Variants in NDUFS4 observed in about 807,000 individuals in gnomAD.
NDUFS4 encodes NADH:ubiquinone oxidoreductase subunit S4.
Under a neutral mutation model 24.3 loss-of-function variants are expected in NDUFS4, and 28 were observed. That is an observed-to-expected ratio of 1.15 (90% CI 0.85 to 1.58). The LOEUF (loss-of-function observed/expected upper bound fraction) is 1.58. Ranked by LOEUF, NDUFS4 falls within the 40% of genes most tolerant of loss-of-function variation. NDUFS4 has a pLI of 0.00. For synonymous variants in NDUFS4, 93 were observed against 69.7 expected, an observed-to-expected ratio of 1.34 and a Z score of -1.67; for missense variants, 223 against 207.9, an observed-to-expected ratio of 1.07 and a Z score of -0.45.
At chr5:53,664,046 T>C (rs192393435) in intron 4 of NDUFS4, among the ~76,000 whole-genome samples, 130 of 152,276 alleles carry the variant, frequency 8.5e-4, no homozygotes, top group Non-Finnish European at 1.7e-3. Flanking sequence ...AAAATCTCTT[T>C]GCATTTGCTT....
chr5:53,627,398 T>A (rs948091649), intron 2 of NDUFS4, among the ~76,000 whole-genome samples: 1 of 152,192 alleles, frequency 6.6e-6, no homozygotes, highest in Non-Finnish European at 1.5e-5. Flanking sequence ...TTTAAAGTAG[T>A]TTTTTCGAAT....
intron 2 of NDUFS4, among the ~76,000 whole-genome samples, chr5:53,611,541 A>C (rs1750699611): frequency 6.6e-6 from 1 of 152,064 alleles, no homozygotes; most frequent in Admixed American, 6.6e-5. Context: ...AGATGACAGC[A>C]TCTGAAAATA....
chr5:53,679,054 A>G (rs1307538159), intron 4 of NDUFS4, among the ~76,000 whole-genome samples: 1 of 152,192 alleles, frequency 6.6e-6, no homozygotes, highest in African/African-American at 2.4e-5. Context: ...ACAGCCCTAC[A>G]TAGCAGAAAA....
chr5:53,563,979 G>A (rs1317011066), intron 1 of NDUFS4, among the ~76,000 whole-genome samples: 1 of 152,164 alleles, frequency 6.6e-6, no homozygotes, highest in African/African-American at 2.4e-5. Context: ...GTGTGTTCAT[G>A]TATACTTATC....
intron 1 of NDUFS4, among the ~76,000 whole-genome samples, chr5:53,598,077 G>A (rs539329254): frequency 1.1e-4 from 17 of 152,278 alleles, no homozygotes; most frequent in Middle Eastern, 3.4e-3. Flanking sequence ...CTGTTAGAAC[G>A]ACTGCAATCC....
intron 4 of NDUFS4, among the ~76,000 whole-genome samples, chr5:53,663,424 AG>A (rs1406273799): frequency 2.0e-5 from 3 of 152,138 alleles, no homozygotes; most frequent in African/African-American, 7.2e-5. Flanking sequence ...TAATGTTGAC[AG>A]TGGGGTGTTA....
intron 1 of NDUFS4, among the ~76,000 whole-genome samples, chr5:53,561,020 T>A (rs1406380730): frequency 2.6e-5 from 4 of 151,992 alleles, no homozygotes; most frequent in African/African-American, 9.7e-5. Flanking sequence ...AGGGAGAGGG[T>A]CCGTGGAGGT....
chr5:53,620,308 C>A (rs1172758718), intron 2 of NDUFS4, among the ~76,000 whole-genome samples: 1 of 151,890 alleles, frequency 6.6e-6, no homozygotes, highest in Non-Finnish European at 1.5e-5. Context: ...CAAATTCTAC[C>A]TAATAGATAA....
At position 53,560,667 on chromosome 5, in the gene NDUFS4, C is replaced by A. The variant is rs148595893; in HGVS notation, c.5C>A (p.Ala2Glu). 3.0e-4 allele frequency: 488 copies of A among 1,614,212 alleles called. No individual in the cohort carries two copies. Among genetic ancestry groups the A allele is most frequent in the Non-Finnish European group, 3.8e-4 (447 of 1,180,044 alleles). MAAVSMSVVLRQ... is the reference protein window; with the variant it reads MEAVSMSVVLRQ... Reference sequence around the variant, plus strand: ...CTGGCGTTTGCCTGCAGCAAGATGGCGGCGGTGTCAATGTCAGTGGTACTG... The same window carrying A: ...CTGGCGTTTGCCTGCAGCAAGATGGAGGCGGTGTCAATGTCAGTGGTACTG... Residue 2 changes from alanine (A) to glutamate (E), a missense_variant, in exon 1 of 5, where the codon GCG becomes GAG. Physicochemically the swap from Ala to Glu is moderately radical, Grantham distance 107. Transcript: ENST00000296684.
chr5:53,641,456 T>C (rs1341827267), intron 2 of NDUFS4, among the ~76,000 whole-genome samples: 1 of 152,198 alleles, frequency 6.6e-6, no homozygotes, highest in African/African-American at 2.4e-5. Flanking sequence ...GGCTCAATGA[T>C]AGTTTTGCCC....
intron 4 of NDUFS4, among the ~76,000 whole-genome samples, chr5:53,664,185 T>A (rs745591803): frequency 3.3e-5 from 5 of 152,218 alleles, no homozygotes; most frequent in Non-Finnish European, 5.9e-5. Flanking sequence ...TTGTAGAGCT[T>A]TTGCCAAGAG....
intron 2 of NDUFS4, among the ~76,000 whole-genome samples, chr5:53,631,045 TGACCTATGGATGGG>T (rs1257103131): frequency 1.3e-5 from 2 of 152,334 alleles, no homozygotes; most frequent in East Asian, 3.9e-4. Flanking sequence ...TTGATGTTGG[TGACCTATGGATGGG>T]GTTTTGGTGT....
chr5:53,627,845 C>T (rs1751278648), intron 2 of NDUFS4, among the ~76,000 whole-genome samples: 1 of 152,132 alleles, frequency 6.6e-6, no homozygotes, highest in Admixed American at 6.5e-5. Flanking sequence ...AATTTGACTT[C>T]CTCTTTTCCT....
At chr5:53,622,227 A>T (rs1267047943) in intron 2 of NDUFS4, among the ~76,000 whole-genome samples, 3 of 152,084 alleles carry the variant, frequency 2.0e-5, no homozygotes, top group Non-Finnish European at 4.4e-5. Flanking sequence ...GCTTTTGTTT[A>T]TCTAGAAATC....
intron 1 of NDUFS4, among the ~76,000 whole-genome samples, chr5:53,595,142 C>G (rs1461684841): frequency 2.0e-5 from 3 of 152,092 alleles, no homozygotes; most frequent in African/African-American, 7.2e-5. Context: ...TATGTCTGTG[C>G]CTGGGCATAT....
At chr5:53,620,865 G>A (rs1301465486) in intron 2 of NDUFS4, among the ~76,000 whole-genome samples, 1 of 152,060 alleles carries the variant, frequency 6.6e-6, no homozygotes, top group Non-Finnish European at 1.5e-5. Context: ...CCTAGTGTAT[G>A]GTCTGTCTTG....
At chr5:53,593,600 CT>C (rs200245144) in intron 1 of NDUFS4, among the ~76,000 whole-genome samples, 14,470 of 144,596 alleles carry the variant, frequency 0.1, 975 homozygotes, top group Admixed American at 0.21. Context: ...TTATGTTGCC[CT>C]TTTTTTTTTT....
chr5:53,680,710 G>A (rs1428713383), intron 4 of NDUFS4, among the ~76,000 whole-genome samples: 4 of 152,052 alleles, frequency 2.6e-5, no homozygotes, highest in African/African-American at 9.7e-5. Context: ...TGGGGGGAGC[G>A]GGGAGGGATA....
rs140354014 is a variant in NDUFS4 at position 53,644,509 on chromosome 5, G to A, written c.178-1724G>A. Among the ~76,000 whole-genome samples the A allele has an allele frequency of 4.6e-3, 706 of 152,174 alleles. 5 individuals carry two copies. Among genetic ancestry groups the A allele is most frequent in the African/African-American group, 0.016 (680 of 41,552 alleles). Reference sequence around the variant, plus strand: ...TTCAAAGGAGGAATTAAACATTGAGGACTTCCCAGGAGTTGAGCCACTTTA... The same window carrying A: ...TTCAAAGGAGGAATTAAACATTGAGAACTTCCCAGGAGTTGAGCCACTTTA... On this transcript the variant is annotated intron_variant, in intron 2 of 4. Coordinates refer to ENST00000296684, the MANE Select transcript of NDUFS4 (RefSeq NM_002495.4).
Sources: allele counts gnomAD v4.1 joint callset (sites outside exome capture counted in the v4.1 genomes callset), GRCh38; gene constraint gnomAD v4.1.1; transcripts MANE v1.5; gene names NCBI Gene and HGNC (gene_info 2026-07-23, HGNC 2026-07-21).